KIAA1217: variants seen among roughly 807,000 people sequenced by gnomAD.
KIAA1217 encodes the protein sickle tail protein homolog.
In KIAA1217, 88 loss-of-function variants were observed where a neutral mutation model predicts 163.9. That is an observed-to-expected ratio of 0.54 (90% CI 0.45 to 0.64). The LOEUF is 0.64. Ranked by LOEUF, KIAA1217 falls within the 30% of genes least tolerant of loss-of-function variation. The pLI, the probability that KIAA1217 is intolerant of heterozygous loss-of-function variation, is 0.00. For missense variants in KIAA1217, 2,372 were observed against 2,475.0 expected, an observed-to-expected ratio of 0.96 and a Z score of 0.88; for synonymous variants, 903 against 923.1, an observed-to-expected ratio of 0.98 and a Z score of 0.39.
Position 24,441,696 on chromosome 10 carries a change from C to T in KIAA1217, c.846+3217C>T, listed in dbSNP as rs112132880. On this transcript the variant is annotated intron_variant, in intron 5 of 20. Coordinates refer to ENST00000376454, the MANE Select transcript of KIAA1217 (RefSeq NM_019590.5). ...CCACCACCCTGATCTAATTTAATTG[C>T]GTGGCTTTTGTTTCCTTACATCAGA... is the stretch of plus-strand genomic sequence containing the variant. Among the ~76,000 whole-genome samples, 101 of 152,234 alleles carry T rather than the reference C, an allele frequency of 6.6e-4. 1 individual carries two copies. In the South Asian group the frequency reaches 0.015, roughly 23 times the overall value.
chr10:23,853,872 AT>A (rs1839498554), intron 1 of KIAA1217, among the ~76,000 whole-genome samples: 1 of 152,018 alleles, frequency 6.6e-6, no homozygotes, highest in African/African-American at 2.4e-5. Flanking sequence ...CCCCTTTATC[AT>A]TTTTTATTGC....
In KIAA1217 at chr10:23,970,802, T is replaced by C. The variant is rs4293028; in HGVS notation, c.-320-36423T>C. Reference sequence around the variant, plus strand: ...ACACTAGTTCAGGCCATGATAGGCATAGGTGGCTGGACATACCTCATTTCG... The same window carrying C: ...ACACTAGTTCAGGCCATGATAGGCACAGGTGGCTGGACATACCTCATTTCG... On this transcript the variant is annotated intron_variant, in intron 1 of 18. Coordinates refer to the KIAA1217 transcript ENST00000376462. 5.6e-4 allele frequency among the ~76,000 whole-genome samples: 85 copies of C among 152,302 alleles called. 3 individuals carry two copies. In the East Asian group the frequency reaches 0.016, roughly 29 times the overall value.
intron 2 of KIAA1217, among the ~76,000 whole-genome samples, chr10:24,169,764 T>C (rs561705852): frequency 6.6e-6 from 1 of 152,218 alleles, no homozygotes; most frequent in Non-Finnish European, 1.5e-5. Context: ...GATGAGCTCC[T>C]CTCCCAGTCT....
intron 2 of KIAA1217, among the ~76,000 whole-genome samples, chr10:24,312,831 C>T (rs1429097374): frequency 6.6e-6 from 1 of 152,070 alleles, no homozygotes; most frequent in Non-Finnish European, 1.5e-5. Context: ...GGGAGGATCA[C>T]TTGAGACTGA....
chr10:24,273,245 T>A (rs936737228), intron 2 of KIAA1217, among the ~76,000 whole-genome samples: 10 of 152,190 alleles, frequency 6.6e-5, no homozygotes, highest in African/African-American at 9.7e-5. Flanking sequence ...GAGATCAGAC[T>A]CTTATTAACA....
chr10:24,416,539 T>G (rs76138327), intron 3 of KIAA1217, among the ~76,000 whole-genome samples: 1 of 152,182 alleles, frequency 6.6e-6, no homozygotes, highest in African/African-American at 2.4e-5. Flanking sequence ...TGTCTAAATA[T>G]TTTTAAAGGT....
rs2066718963 is a variant in KIAA1217 at position 24,191,551 on chromosome 10, A to AT, written c.-170-28075_-170-28074insT. Among the ~76,000 whole-genome samples, 5 of 149,858 alleles carry AT rather than the reference A, an allele frequency of 3.3e-5. No homozygotes were observed. The South Asian group carries it at 1.1e-3, about 32-fold the overall frequency. The stretch of plus-strand genomic sequence containing the variant: ...GTATCAACACATCTCATGTACCCAC[A>AT]AATATATATATATATATATACCTAT... On this transcript the variant is annotated intron_variant, in intron 2 of 18. Transcript: ENST00000376462.
chr10:24,092,476 T>TAATC (rs1234530104), intron 2 of KIAA1217, among the ~76,000 whole-genome samples: 1 of 151,872 alleles, frequency 6.6e-6, no homozygotes, highest in Non-Finnish European at 1.5e-5. Context: ...GCTCTATTTG[T>TAATC]AATCAACAAA....
intron 2 of KIAA1217, among the ~76,000 whole-genome samples, chr10:24,060,332 G>A (rs760043319): frequency 1.3e-5 from 2 of 151,788 alleles, no homozygotes; most frequent in African/African-American, 2.4e-5. Context: ...TTTCATTTTT[G>A]TTGGTTGCAA....
chr10:23,748,182 C>T (rs1393419843), intron 1 of KIAA1217, among the ~76,000 whole-genome samples: 4 of 152,144 alleles, frequency 2.6e-5, no homozygotes, highest in African/African-American at 9.7e-5. Context: ...TCCCTCTCTC[C>T]AAAACCTATG....
rs1387173409 is a variant in KIAA1217, at chr10:24,366,245, G to A, written c.355-14624G>A. Among the ~76,000 whole-genome samples the A allele has an allele frequency of 3.9e-5, 6 of 152,072 alleles. No individual in the cohort carries two copies. In the East Asian group the frequency reaches 1.2e-3, roughly 29 times the overall value. Reference sequence around the variant, plus strand: ...AGATCACTTGAGGTTAGGAGTTTGAGACCAGCCTGGCCAACATGGTTAAAC... The same window carrying A: ...AGATCACTTGAGGTTAGGAGTTTGAAACCAGCCTGGCCAACATGGTTAAAC... On this transcript the variant is annotated intron_variant, in intron 2 of 20. Transcript: ENST00000376454.
chr10:23,855,902 A>G (rs576483739), intron 1 of KIAA1217, among the ~76,000 whole-genome samples: 2 of 151,992 alleles, frequency 1.3e-5, no homozygotes, highest in Non-Finnish European at 2.9e-5. Flanking sequence ...TATTCTAGTT[A>G]TACATTTGTC....
At chr10:24,134,011 C>G (rs1187141565) in intron 2 of KIAA1217, among the ~76,000 whole-genome samples, 1 of 152,166 alleles carries the variant, frequency 6.6e-6, no homozygotes, top group Non-Finnish European at 1.5e-5. Context: ...GCTGACACAG[C>G]TGATTTGTAC....
At chr10:24,509,623 C>T (rs2068830383) in intron 9 of KIAA1217, among the ~76,000 whole-genome samples, 1 of 152,186 alleles carries the variant, frequency 6.6e-6, no homozygotes, top group Non-Finnish European at 1.5e-5. Context: ...GCTGACCCCT[C>T]ATGCAGTAAG....
At chr10:23,790,993 C>T (rs1588827531) in intron 1 of KIAA1217, among the ~76,000 whole-genome samples, 1 of 152,146 alleles carries the variant, frequency 6.6e-6, no homozygotes, top group Middle Eastern at 3.4e-3. Flanking sequence ...CCTTGGCCCT[C>T]CAAAGTGCTG....
chr10:23,786,465 T>C (rs2130913630), intron 1 of KIAA1217, among the ~76,000 whole-genome samples: 2 of 151,966 alleles, frequency 1.3e-5, no homozygotes, highest in East Asian at 3.9e-4. Context: ...TGTCTTGACT[T>C]TTCCGGCTAT....
chr10:23,855,936 C>T (rs1230758722), intron 1 of KIAA1217, among the ~76,000 whole-genome samples: 4 of 152,132 alleles, frequency 2.6e-5, no homozygotes, highest in South Asian at 2.1e-4. Flanking sequence ...AAGTTTTTAA[C>T]TTCTTTGCCT....
At chr10:23,869,356 G>A (rs1840353271) in intron 1 of KIAA1217, among the ~76,000 whole-genome samples, 1 of 151,938 alleles carries the variant, frequency 6.6e-6, no homozygotes, top group African/African-American at 2.4e-5. Context: ...AACGTGATGT[G>A]TTCTGTGAGA....
At chr10:24,398,474 C>T (rs1318616507) in intron 3 of KIAA1217, among the ~76,000 whole-genome samples, 1 of 152,052 alleles carries the variant, frequency 6.6e-6, no homozygotes, top group African/African-American at 2.4e-5. Flanking sequence ...TCAGAAGAAA[C>T]AATTTGACTG....
Sources: allele counts gnomAD v4.1 joint callset (sites outside exome capture counted in the v4.1 genomes callset), GRCh38; gene constraint gnomAD v4.1.1; transcripts MANE v1.5; gene names NCBI Gene and HGNC (gene_info 2026-07-23, HGNC 2026-07-21).